FCRL6: variants seen among roughly 807,000 people sequenced by gnomAD.
FCRL6 encodes Fc receptor like 6, also known as Fc receptor-like protein 6.
In FCRL6, 50 loss-of-function variants were observed where a neutral mutation model predicts 49.1. That is an observed-to-expected ratio of 1.02 (90% CI 0.81 to 1.29). The LOEUF (loss-of-function observed/expected upper bound fraction) is 1.29, where lower values mean the gene tolerates loss of function less well. Ranked by LOEUF, FCRL6 falls within the 50% of genes most tolerant of loss-of-function variation. The pLI, the probability that FCRL6 is intolerant of heterozygous loss-of-function variation, is 0.00. For synonymous variants in FCRL6, 213 were observed against 199.6 expected (o/e 1.07, Z -0.57); for missense variants, 571 against 518.5 (o/e 1.10, Z -0.98).
In FCRL6 at chr1:159,809,690, T is replaced by C. The variant is rs760273388; in HGVS notation, c.886+7T>C. ...AAGAAGCTGTCTCTGAAGGGTGTGT[T>C]TTGTTCTCCAACAGAGCTTTGAGCC... On this transcript the variant is annotated splice_region_variant and intron_variant, in intron 5 of 9. Transcript: ENST00000368106. 1 of 1,612,764 alleles carries C rather than the reference T, an allele frequency of 6.2e-7. No individual in the cohort carries two copies. The highest frequency in any genetic ancestry group is 8.5e-7 in the Non-Finnish European group (1 of 1,179,532).
Position 159,802,410 on chromosome 1 carries a change from G to T in FCRL6, c.-15G>T. The T allele has an allele frequency of 6.2e-7, 1 of 1,613,726 alleles. No homozygotes were observed. Among genetic ancestry groups the T allele is most frequent in the Non-Finnish European group, 8.5e-7 (1 of 1,179,810 alleles). ...TTCTGACCTGTGTTCCCTCCGCTGTGCCAGAACAGGCCCCATGCTGCTCTG... is the reference window on the plus strand; with the variant it reads ...TTCTGACCTGTGTTCCCTCCGCTGTTCCAGAACAGGCCCCATGCTGCTCTG... On this transcript the variant is annotated 5_prime_UTR_variant, in exon 1 of 10. Coordinates refer to ENST00000368106, the MANE Select transcript of FCRL6 (RefSeq NM_001004310.3).
At chr1:159,809,949 C>T in intron 5 of FCRL6, 145 bp from the exon 6 acceptor site, 2 of 1,036,686 alleles carry the variant, frequency 1.9e-6, no homozygotes, top group Non-Finnish European at 1.4e-6. Flanking sequence ...ATCCCCTGAG[C>T]CATCCTTCAT....
At chr1:159,806,502 T>A in intron 1 of FCRL6, 94 bp from the exon 2 acceptor site, 1 of 1,111,198 alleles carries the variant, frequency 9.0e-7, no homozygotes, top group Non-Finnish European at 1.4e-6. Flanking sequence ...GTTGGTTGAA[T>A]GGGTGTAAGT....
intron 2 of FCRL6, 35 bp from the exon 3 acceptor site, chr1:159,808,143 T>A: frequency 1.3e-6 from 2 of 1,581,576 alleles, no homozygotes; most frequent in Non-Finnish European, 8.6e-7. Flanking sequence ...ATGGGACCTG[T>A]AGCTCCAGGG....
At chr1:159,807,732 C>T (rs1557872873) in intron 2 of FCRL6, among the ~76,000 whole-genome samples, 1 of 152,090 alleles carries the variant, frequency 6.6e-6, no homozygotes, top group African/African-American at 2.4e-5. Context: ...GAAAGTGTCA[C>T]ATTAGGTAGC....
chr1:159,814,202 G>A lies in FCRL6; in HGVS notation c.1076-19G>A, dbSNP rs375393905. On this transcript the variant is annotated intron_variant, in intron 7 of 9. Coordinates refer to ENST00000368106, the MANE Select transcript of FCRL6 (RefSeq NM_001004310.3). ...GGAGAGTCAGGAGGATCCTATTTAA[G>A]CCTCATTCCTTCTTCCAGTGCATCA... is the stretch of plus-strand genomic sequence containing the variant. The A allele has an allele frequency of 3.7e-6, 6 of 1,611,494 alleles. No homozygotes were observed. Among genetic ancestry groups the A allele is most frequent in the Non-Finnish European group, 4.2e-6 (5 of 1,177,674 alleles).
Position 159,816,231 on chromosome 1 carries a change from T to C in FCRL6, c.*570T>C, listed in dbSNP as rs554240506. 1 of 152,804 alleles carries C rather than the reference T, an allele frequency of 6.5e-6. No homozygotes were observed. Among genetic ancestry groups the C allele is most frequent in the South Asian group, 2.1e-4 (1 of 4,852 alleles). The allele number at this position is 152,804 out of a possible 1,614,324, so 9.5% of individuals were successfully genotyped here. On this transcript the variant is annotated 3_prime_UTR_variant, in exon 10 of 10. Transcript: ENST00000368106. Reference sequence around the variant, plus strand: ...AGTACACTATACTTGATAATGATAATAAACAACTATGTTACTGGTTTATGT... The same window carrying C: ...AGTACACTATACTTGATAATGATAACAAACAACTATGTTACTGGTTTATGT...
At chr1:159,812,341 G>C (rs1431071334) in intron 6 of FCRL6, among the ~76,000 whole-genome samples, 1 of 152,192 alleles carries the variant, frequency 6.6e-6, no homozygotes, top group African/African-American at 2.4e-5. Flanking sequence ...TAGCATAGCT[G>C]TTCTTCAGCA....
rs775555390 is a variant in FCRL6 at position 159,808,285 on chromosome 1, A to G, written c.160A>G (p.Arg54Gly). Reference sequence around the variant, plus strand: ...ACCACTGTCTCAGGTGAAGTTCTACAGAGATGGAAAATTCCTTCATTTCTC... The same window carrying G: ...ACCACTGTCTCAGGTGAAGTTCTACGGAGATGGAAAATTCCTTCATTTCTC... ...NTPLSQVKFY[R>G]DGKFLHFSKE... Residue 54 changes from arginine (R) to glycine (G), a missense_variant, in exon 3 of 10, where the codon AGA becomes GGA. Coordinates refer to ENST00000368106, the MANE Select transcript of FCRL6 (RefSeq NM_001004310.3). 3.1e-6 allele frequency: 5 copies of G among 1,614,118 alleles called. No homozygotes were observed.
In FCRL6 at chr1:159,813,948, C is replaced by A. The variant is rs117702185; in HGVS notation, c.1076-273C>A. 4.8e-4 allele frequency among the ~76,000 whole-genome samples: 73 copies of A among 152,216 alleles called. 1 individual carries two copies. The East Asian group carries it at 0.013, about 27-fold the overall frequency. Reference sequence around the variant, plus strand: ...TTTGTGACAGAGATTATACAGCTCACAAAGCCAAAAATATGTACACCTTTT... The same window carrying A: ...TTTGTGACAGAGATTATACAGCTCAAAAAGCCAAAAATATGTACACCTTTT... On this transcript the variant is annotated intron_variant, in intron 7 of 9. Coordinates refer to ENST00000368106, the MANE Select transcript of FCRL6 (RefSeq NM_001004310.3).
Position 159,813,445 on chromosome 1 carries a change from C to A in FCRL6, c.1010-44C>A, listed in dbSNP as rs772497633. 4 of 1,540,860 alleles carry A rather than the reference C, an allele frequency of 2.6e-6. No individual in the cohort carries two copies. The South Asian group carries it at 3.3e-5, about 13-fold the overall frequency. On this transcript the variant is annotated intron_variant, in intron 6 of 9. Coordinates refer to ENST00000368106, the MANE Select transcript of FCRL6 (RefSeq NM_001004310.3). ...GCTTTCCTGTCCCCTGTCCCACCTG[C>A]CCTCTAAGGGACACCCAGTGAATCA...
Position 159,809,693 on chromosome 1 carries a change from G to C in FCRL6, c.886+10G>C. 6.2e-7 allele frequency: 1 copy of C among 1,612,362 alleles called. No individual in the cohort carries two copies. The highest frequency in any genetic ancestry group is 8.5e-7 in the Non-Finnish European group (1 of 1,179,322). On this transcript the variant is annotated intron_variant, in intron 5 of 9. Coordinates refer to ENST00000368106, the MANE Select transcript of FCRL6 (RefSeq NM_001004310.3). ...AAGCTGTCTCTGAAGGGTGTGTTTT[G>C]TTCTCCAACAGAGCTTTGAGCCCCA...
rs769546369 is a variant in FCRL6 at position 159,815,530 on chromosome 1, C to G, written c.1180-6C>G. The G allele has an allele frequency of 1.9e-6, 3 of 1,614,180 alleles. No homozygotes were observed. The highest frequency in any genetic ancestry group is 1.1e-5 in the South Asian group (1 of 91,080). On this transcript the variant is annotated splice_polypyrimidine_tract_variant and splice_region_variant and intron_variant, in intron 9 of 9. Coordinates refer to ENST00000368106, the MANE Select transcript of FCRL6 (RefSeq NM_001004310.3). Reference sequence around the variant, plus strand: ...GCTTCCTCATCCTGAGCCAACTCTTCCACAGGACAGTTCTATCATCTGTGC... The same window carrying G: ...GCTTCCTCATCCTGAGCCAACTCTTGCACAGGACAGTTCTATCATCTGTGC...
rs374562394 is a variant in FCRL6 at position 159,809,073 on chromosome 1, G to A, written c.432G>A (p.Arg144=). ...TKLHPLRSAL[R]LLFSFHKDGH... ...TGCACCCCCTGAGGTCAGCCTTGAG[G>A]CTCCTTTTCTCCTTCCACAAGGACG... Residue 144 remains arginine, a synonymous_variant, in exon 4 of 10, where the codon AGG becomes AGA. Coordinates refer to ENST00000368106, the MANE Select transcript of FCRL6 (RefSeq NM_001004310.3). 1.2e-6 allele frequency: 2 copies of A among 1,613,966 alleles called. No individual in the cohort carries two copies. Among genetic ancestry groups the A allele is most frequent in the African/African-American group, 2.7e-5 (2 of 74,898 alleles).
intron 2 of FCRL6, among the ~76,000 whole-genome samples, chr1:159,807,170 T>C (rs1381283934): frequency 6.6e-6 from 1 of 152,202 alleles, no homozygotes; most frequent in Non-Finnish European, 1.5e-5. Context: ...TTAGTGCTGT[T>C]AGAAAAAGCA....
In FCRL6 at chr1:159,809,232, G is replaced by A. The variant is rs777288051; in HGVS notation, c.591G>A (p.Glu197=). Residue 197 remains glutamate (E), a synonymous_variant, in exon 4 of 10, where the codon GAG becomes GAA. Transcript: ENST00000368106. The part of the protein sequence containing the change: ...GQVQKQSPQL[E]VRVQAPVSRP... ...TCCAGAAGCAGAGCCCCCAGCTGGA[G>A]GTCAGAGTGCAGGGTAAGTGCGCGA... The A allele has an allele frequency of 2.5e-6, 4 of 1,569,444 alleles. No individual in the cohort carries two copies. Among genetic ancestry groups the A allele is most frequent in the South Asian group, 1.2e-5 (1 of 82,738 alleles).
At chr1:159,806,248 A>G (rs747359286) in intron 1 of FCRL6, among the ~76,000 whole-genome samples, 32 of 152,244 alleles carry the variant, frequency 2.1e-4, no homozygotes, top group Non-Finnish European at 8.8e-5. Context: ...TTGGAGTCCC[A>G]GGGAAGACCT....
intron 1 of FCRL6, among the ~76,000 whole-genome samples, chr1:159,805,897 G>A (rs899204495): frequency 6.6e-6 from 1 of 152,220 alleles, no homozygotes; most frequent in African/African-American, 2.4e-5. Flanking sequence ...AGATGTTGGA[G>A]GTAGGACCCT....
At chr1:159,808,864 G>A in intron 3 of FCRL6, 97 bp from the exon 4 acceptor site, 1 of 1,340,730 alleles carries the variant, frequency 7.5e-7, no homozygotes, top group Non-Finnish European at 1.0e-6. Flanking sequence ...GGGGTCCCCG[G>A]GCTGCAGCCT....
Sources: gnomAD v4.1 joint callset for allele counts (sites outside exome capture counted in the v4.1 genomes callset) on GRCh38, gnomAD v4.1.1 for gene constraint, MANE v1.5 for transcripts, NCBI Gene and HGNC (gene_info 2026-07-23, HGNC 2026-07-21) for gene names.